Variants in JMJD1C observed in about 807,000 individuals in gnomAD.
The protein encoded by JMJD1C is jumonji domain containing 1C, also known as jumonji domain-containing protein 1C.
A neutral mutation model predicts 245.3 loss-of-function variants in JMJD1C; 31 were observed. That is an observed-to-expected ratio of 0.13 (90% CI 0.09 to 0.17). JMJD1C has a LOEUF of 0.17. Among genes scored for constraint, JMJD1C ranks in the 10% least tolerant of loss-of-function variants. The pLI is 1.00. For missense variants in JMJD1C, 2,691 were observed against 3,000.2 expected, an observed-to-expected ratio of 0.90 and a Z score of 2.41; for synonymous variants, 1,057 against 1,017.4, an observed-to-expected ratio of 1.04 and a Z score of -0.74.
chr10:63,372,074 T>G (rs1201530192), intron 2 of JMJD1C, among the ~76,000 whole-genome samples: 1 of 152,230 alleles, frequency 6.6e-6, no homozygotes, highest in African/African-American at 2.4e-5. Flanking sequence ...CTGCTGGATA[T>G]AAAGGTAATC....
At chr10:63,454,357 T>G (rs1952268753) in intron 1 of JMJD1C, among the ~76,000 whole-genome samples, 1 of 151,492 alleles carries the variant, frequency 6.6e-6, no homozygotes, top group Non-Finnish European at 1.5e-5. Context: ...CCACCCTGGT[T>G]CAAGATTCTC....
chr10:63,241,988 G>A (rs147921236), intron 3 of JMJD1C, among the ~76,000 whole-genome samples: 70 of 152,264 alleles, frequency 4.6e-4, no homozygotes, highest in Admixed American at 2.5e-3. Flanking sequence ...GGAAGCTAAC[G>A]GGGTTCCTGC....
At chr10:63,273,364 A>G (rs147755476) in intron 2 of JMJD1C, among the ~76,000 whole-genome samples, 1 of 152,314 alleles carries the variant, frequency 6.6e-6, no homozygotes, top group African/African-American at 2.4e-5. Context: ...GCTAATATAA[A>G]TATATTAATG....
rs563794184 is a variant in JMJD1C at position 63,322,287 on chromosome 10, T to A, written c.334-57523A>T. On this transcript the variant is annotated intron_variant, in intron 2 of 25. Transcript: ENST00000399262. Reference sequence around the variant, plus strand: ...GATCTCACCTAAGGACTCTAAATTTTCAGAATTTTTTTCCTCTGGAAAATT... The same window carrying A: ...GATCTCACCTAAGGACTCTAAATTTACAGAATTTTTTTCCTCTGGAAAATT... 2.0e-5 allele frequency among the ~76,000 whole-genome samples: 3 copies of A among 152,292 alleles called. No homozygotes were observed. In the East Asian group the frequency reaches 5.8e-4, roughly 29 times the overall value.
intron 1 of JMJD1C, among the ~76,000 whole-genome samples, chr10:63,501,965 C>G (rs1954576493): frequency 6.6e-6 from 1 of 151,866 alleles, no homozygotes; most frequent in South Asian, 2.1e-4. Flanking sequence ...TAAAATACGG[C>G]CAAATTTATC....
intron 1 of JMJD1C, among the ~76,000 whole-genome samples, chr10:63,383,649 A>C (rs1044170797): frequency 6.6e-6 from 1 of 152,202 alleles, no homozygotes; most frequent in Non-Finnish European, 1.5e-5. Flanking sequence ...GCAATGAGCC[A>C]TGATCACACC....
chr10:63,383,420 G>A (rs572666268), intron 1 of JMJD1C, among the ~76,000 whole-genome samples: 3 of 152,194 alleles, frequency 2.0e-5, no homozygotes, highest in East Asian at 1.9e-4. Context: ...AAAACCCATC[G>A]TTAAGGGTAC....
At chr10:63,389,716 A>C (rs1255385093) in intron 1 of JMJD1C, among the ~76,000 whole-genome samples, 1 of 152,172 alleles carries the variant, frequency 6.6e-6, no homozygotes, top group East Asian at 1.9e-4. Flanking sequence ...ACAATGAAAT[A>C]AAACTAGAAA....
intron 10 of JMJD1C, chr10:63,202,230 G>A (rs1846101039): frequency 1.1e-6 from 1 of 884,016 alleles, no homozygotes; most frequent in African/African-American, 1.8e-5. Context: ...TTCCAGCCTG[G>A]GTGACGGAGT....
intron 2 of JMJD1C, among the ~76,000 whole-genome samples, chr10:63,306,256 AT>A (rs1335863386): frequency 6.6e-6 from 1 of 151,992 alleles, no homozygotes; most frequent in African/African-American, 2.4e-5. Context: ...CACCGGGCTA[AT>A]TTTTGTATTT....
At chr10:63,500,835 A>G (rs1050665664) in intron 1 of JMJD1C, among the ~76,000 whole-genome samples, 3 of 151,598 alleles carry the variant, frequency 2.0e-5, no homozygotes, top group Non-Finnish European at 4.4e-5. Context: ...ATGGATGCAC[A>G]GATGGATGGA....
chr10:63,279,884 C>T (rs1402989662), intron 2 of JMJD1C, among the ~76,000 whole-genome samples: 1 of 152,202 alleles, frequency 6.6e-6, no homozygotes, highest in Non-Finnish European at 1.5e-5. Flanking sequence ...GACACGGTGG[C>T]TCACGCCTGT....
At chr10:63,170,062 A>G (rs1842208399) in intron 24 of JMJD1C, among the ~76,000 whole-genome samples, 1 of 152,194 alleles carries the variant, frequency 6.6e-6, no homozygotes, top group South Asian at 2.1e-4. Context: ...TTTTAGCATG[A>G]AAGAACTTTT....
intron 1 of JMJD1C, among the ~76,000 whole-genome samples, chr10:63,479,372 T>G (rs1200289157): frequency 6.6e-6 from 1 of 151,976 alleles, no homozygotes; most frequent in Non-Finnish European, 1.5e-5. Flanking sequence ...ATTAAAGACT[T>G]TTCTTTAAAG....
intron 2 of JMJD1C, among the ~76,000 whole-genome samples, chr10:63,358,127 GAATA>G (rs1463688500): frequency 6.6e-6 from 1 of 151,940 alleles, no homozygotes; most frequent in East Asian, 1.9e-4. Context: ...CAAAAGAGAT[GAATA>G]GATATAGGAA....
intron 3 of JMJD1C, among the ~76,000 whole-genome samples, chr10:63,256,183 T>C (rs982549453): frequency 3.9e-5 from 6 of 152,194 alleles, no homozygotes; most frequent in Non-Finnish European, 7.3e-5. Flanking sequence ...TATTGCAGAA[T>C]AGCTCATACT....
At chr10:63,250,518 A>G (rs376046212) in intron 3 of JMJD1C, among the ~76,000 whole-genome samples, 1 of 152,078 alleles carries the variant, frequency 6.6e-6, no homozygotes, top group Non-Finnish European at 1.5e-5. Context: ...GCTTCCCAAC[A>G]CTAACATGCC....
chr10:63,250,570 T>C (rs1466430573), intron 3 of JMJD1C, among the ~76,000 whole-genome samples: 4 of 152,100 alleles, frequency 2.6e-5, no homozygotes, highest in Non-Finnish European at 4.4e-5. Context: ...CTGACTGATA[T>C]ATATGCAATA....
chr10:63,196,198 G>T (rs1478557205), intron 13 of JMJD1C, among the ~76,000 whole-genome samples: 3 of 151,756 alleles, frequency 2.0e-5, no homozygotes, highest in African/African-American at 7.3e-5. Flanking sequence ...GGCCAAGATT[G>T]CGCCACTGCA....
Sources: gnomAD v4.1 joint callset for allele counts (sites outside exome capture counted in the v4.1 genomes callset) on GRCh38, gnomAD v4.1.1 for gene constraint, MANE v1.5 for transcripts, NCBI Gene and HGNC (gene_info 2026-07-23, HGNC 2026-07-21) for gene names.